SMARCD2: variants seen among roughly 807,000 people sequenced by gnomAD.
The protein encoded by SMARCD2 is SWI/SNF related BAF chromatin remodeling complex subunit D2.
Under a neutral mutation model 70.4 loss-of-function variants are expected in SMARCD2, and 39 were observed. That is an observed-to-expected ratio of 0.55 (90% confidence interval 0.43 to 0.72). The LOEUF is 0.72. Ranked by LOEUF, SMARCD2 falls within the 30% of genes least tolerant of loss-of-function variation. SMARCD2 has a pLI of 0.00. For synonymous variants in SMARCD2, 249 were observed against 279.4 expected (o/e 0.89, Z 1.08); for missense variants, 540 against 713.4 (o/e 0.76, Z 2.77).
At position 63,834,726 on chromosome 17, in the gene SMARCD2, C is replaced by T; in HGVS notation, c.798G>A (p.Gly266=). The change falls in exon 6 of 13, where the codon GGG becomes GGA. Residue 266 remains glycine (G), a synonymous_variant. Coordinates refer to ENST00000448276, the MANE Select transcript of SMARCD2 (RefSeq NM_001098426.2). The surrounding 1 kb of genome is among the most constrained non-coding windows in gnomAD (Gnocchi z 5.6). ...LVIELDKELY[G]PDNHLVEWHR... ...TCACCTCCACCAGGTGATTGTCAGG[C>T]CCGTACAGCTCCTTGTCCAGCTCAA... 3 of 1,613,436 alleles carry T rather than the reference C, an allele frequency of 1.9e-6. No individual in the cohort carries two copies. Among genetic ancestry groups the T allele is most frequent in the South Asian group, 1.1e-5 (1 of 91,082 alleles).
In SMARCD2 at chr17:63,837,042, G is replaced by T; in HGVS notation, c.447C>A (p.Ile149=). ...KMADKVLPQR[I]RELVPESQAY... ...CCTGAGACTCTGGAACAAGCTCCCG[G>T]ATCTGAAGGAAGGTAGCAGAAGCTC... Residue 149 remains isoleucine, a splice_region_variant and synonymous_variant, in exon 4 of 13, where the codon ATC becomes ATA. Coordinates refer to ENST00000448276, the MANE Select transcript of SMARCD2 (RefSeq NM_001098426.2). The surrounding 1 kb of genome is among the most constrained non-coding windows in gnomAD (Gnocchi z 6.4). 1 of 1,613,386 alleles carries T rather than the reference G, an allele frequency of 6.2e-7. No individual in the cohort carries two copies. Among genetic ancestry groups the T allele is most frequent in the Admixed American group, 1.7e-5 (1 of 60,028 alleles).
chr17:63,836,498 C>CGGAAAAAAAAAAAAAAAAAAAAAAA (rs1214342690), intron 4 of SMARCD2, among the ~76,000 whole-genome samples: 1 of 98,236 alleles, frequency 1.0e-5, no homozygotes. Flanking sequence ...GACTCCATCT[C>CGGAAAAAAAAAAAAAAAAAAAAAAA]AGAAAAAAAA....
rs766560798 is a variant in SMARCD2 at position 63,833,379 on chromosome 17, C to T, written c.1359G>A (p.Gln453=). Residue 453 remains glutamine (Q), a synonymous_variant, in exon 11 of 13, where the codon CAG becomes CAA. Transcript: ENST00000448276. This position sits in a 1 kb window ranked among gnomAD's most constrained non-coding sequence, Gnocchi z 4.3. The stretch of plus-strand genomic sequence containing the variant: ...TGCTAAAACTGAGCATGAAATCTCT[C>T]TGGGTCTTCAGCTGGTTGATGGACT... ...TIESINQLKT[Q]RDFMLSFSTD... is the part of the protein sequence containing the mutation. 1 of 1,614,056 alleles carries T rather than the reference C, an allele frequency of 6.2e-7. No individual in the cohort carries two copies. The highest frequency in any genetic ancestry group is 8.5e-7 in the Non-Finnish European group (1 of 1,179,920).
Position 63,833,497 on chromosome 17 carries a change from C to T in SMARCD2, c.1318-77G>A. 1.2e-6 allele frequency: 2 copies of T among 1,609,318 alleles called. No homozygotes were observed. Among genetic ancestry groups the T allele is most frequent in the Non-Finnish European group, 1.7e-6 (2 of 1,176,598 alleles). On this transcript the variant is annotated intron_variant, in intron 10 of 12. Transcript: ENST00000448276. This position sits in a 1 kb window ranked among gnomAD's most constrained non-coding sequence, Gnocchi z 4.3. ...ACTGAGCCAGAGTTCCCATCCCGTC[C>T]TCCAGGTGCTACATGTATGGAAATG...
rs111734350 is a variant in SMARCD2, at chr17:63,832,647, G to C, written c.*291C>G. On this transcript the variant is annotated 3_prime_UTR_variant, in exon 13 of 13. Transcript: ENST00000448276. ...ATGCAAACCCAGCAGCCTTTGGTTC[G>C]GAAATGTCTTACAATGTCAAAGCAC... 2.2e-5 allele frequency: 11 copies of C among 492,490 alleles called. No individual in the cohort carries two copies. Among genetic ancestry groups the C allele is most frequent in the Non-Finnish European group, 3.7e-5 (10 of 269,640 alleles). 30.5% of individuals were successfully genotyped at this position (492,490 alleles called of 1,614,324 possible).
Position 63,833,125 on chromosome 17 carries a change from C to T in SMARCD2, c.1486G>A (p.Ala496Thr). 6.2e-7 allele frequency: 1 copy of T among 1,607,040 alleles called. No homozygotes were observed. Among genetic ancestry groups the T allele is most frequent in the African/African-American group, 1.3e-5 (1 of 74,890 alleles). ...TGGGCCCAGGGCTGGTGGTAGAAAG[C>T]AGCTCGTCTCTCCTCCTCAGGATTT... ...IGNPEEERRA[A>T]FYHQPWAQEA... Residue 496 changes from alanine to threonine, a missense_variant, in exon 12 of 13, where the codon GCT (alanine) becomes ACT (threonine). Physicochemically the swap from Ala to Thr is moderately conservative, Grantham distance 58. Coordinates refer to ENST00000448276, the MANE Select transcript of SMARCD2 (RefSeq NM_001098426.2). This position sits in a 1 kb window ranked among gnomAD's most constrained non-coding sequence, Gnocchi z 4.3.
At position 63,834,371 on chromosome 17, in the gene SMARCD2, G is replaced by C. The variant is rs772817714; in HGVS notation, c.922-43C>G. ...GGAGTCAGAACGGGTTCTTATAGTA[G>C]AACAGTGGGAAAATAGGGCAGGGAC... is the stretch of plus-strand genomic sequence containing the variant. On this transcript the variant is annotated intron_variant, in intron 7 of 12. Coordinates refer to ENST00000448276, the MANE Select transcript of SMARCD2 (RefSeq NM_001098426.2). This position sits in a 1 kb window ranked among gnomAD's most constrained non-coding sequence, Gnocchi z 5.6. The C allele has an allele frequency of 8.2e-6, 13 of 1,592,392 alleles. No individual in the cohort carries two copies.
Position 63,837,141 on chromosome 17 carries a change from C to A in SMARCD2, c.444+54G>T, listed in dbSNP as rs759095802. The A allele has an allele frequency of 4.3e-6, 7 of 1,611,122 alleles. No individual in the cohort carries two copies. The South Asian group carries it at 6.6e-5, about 15-fold the overall frequency. Reference sequence around the variant, plus strand: ...AGCCCAGCTTTGAGAGAGATGGACACCCACCCCAAGGTGGCCACTGGGCAG... The same window carrying A: ...AGCCCAGCTTTGAGAGAGATGGACAACCACCCCAAGGTGGCCACTGGGCAG... On this transcript the variant is annotated intron_variant, in intron 3 of 12. Coordinates refer to ENST00000448276, the MANE Select transcript of SMARCD2 (RefSeq NM_001098426.2). This position sits in a 1 kb window ranked among gnomAD's most constrained non-coding sequence, Gnocchi z 6.4.
Position 63,834,407 on chromosome 17 carries a change from T to C in SMARCD2, c.921+67A>G. On this transcript the variant is annotated intron_variant, in intron 7 of 12. Transcript: ENST00000448276. The surrounding 1 kb of genome is among the most constrained non-coding windows in gnomAD (Gnocchi z 5.6). ...AAATAGGGCAGGGACAGGAAGGGTT[T>C]CTAGGAACCAGCTCCCCTCCTGAGG... 6.4e-7 allele frequency: 1 copy of C among 1,567,208 alleles called. No individual in the cohort carries two copies. Among genetic ancestry groups the C allele is most frequent in the Non-Finnish European group, 8.7e-7 (1 of 1,147,488 alleles).
In SMARCD2 at chr17:63,832,230, AT is replaced by A. The variant is rs1385661855; in HGVS notation, c.*707del. ...ACCTTACCCTGGCCTCCACATGCAC[AT>A]ACCCCATACCTCAGGCCATGCTAGA... On this transcript the variant is annotated 3_prime_UTR_variant, in exon 13 of 13. Coordinates refer to ENST00000448276, the MANE Select transcript of SMARCD2 (RefSeq NM_001098426.2). 8 of 538,442 alleles carry A rather than the reference AT, an allele frequency of 1.5e-5. No homozygotes were observed. The highest frequency in any genetic ancestry group is 1.1e-4 in the African/African-American group (6 of 52,550). 33.4% of individuals were successfully genotyped at this position (538,442 alleles called of 1,614,324 possible). A position where few individuals can be genotyped will look rare whatever the true frequency, so the allele number is the denominator to read the frequency against.
Position 63,833,743 on chromosome 17 carries a change from G to A in SMARCD2, c.1182-21C>T. 1 of 1,613,924 alleles carries A rather than the reference G, an allele frequency of 6.2e-7. No individual in the cohort carries two copies. Among genetic ancestry groups the A allele is most frequent in the Non-Finnish European group, 8.5e-7 (1 of 1,179,830 alleles). ...CGACACTGCAGGCAGCACATGGGGA[G>A]GGAAGGCACATAGCTGACTTCATCC... On this transcript the variant is annotated intron_variant, in intron 9 of 12. Transcript: ENST00000448276. The surrounding 1 kb of genome is among the most constrained non-coding windows in gnomAD (Gnocchi z 4.3).
Position 63,833,382 on chromosome 17 carries a change from G to T in SMARCD2, c.1356C>A (p.Thr452=). The change falls in exon 11 of 13, where the codon ACC becomes ACA. Residue 452 remains threonine (T), a synonymous_variant. Coordinates refer to ENST00000448276, the MANE Select transcript of SMARCD2 (RefSeq NM_001098426.2). This position sits in a 1 kb window ranked among gnomAD's most constrained non-coding sequence, Gnocchi z 4.3. ...ETIESINQLK[T]QRDFMLSFST... is the part of the protein sequence containing the mutation. ...TAAAACTGAGCATGAAATCTCTCTG[G>T]GTCTTCAGCTGGTTGATGGACTCAA... The T allele has an allele frequency of 6.2e-7, 1 of 1,614,014 alleles. No homozygotes were observed. Among genetic ancestry groups the T allele is most frequent in the South Asian group, 1.1e-5 (1 of 91,082 alleles).
chr17:63,838,616 C>A, intron 1 of SMARCD2: 2 of 1,495,538 alleles, frequency 1.3e-6, no homozygotes, highest in Non-Finnish European at 1.8e-6. Context: ...CCACCTGAGG[C>A]CTTGCTCCCT....
chr17:63,833,644 C>T lies in SMARCD2; in HGVS notation c.1260G>A (p.Met420Ile). ...VEVDDPLKAQMSNFLASTTNQ... is the reference protein window; with the variant it reads ...VEVDDPLKAQISNFLASTTNQ... ...TGGTGGTAGAGGCCAGAAAATTGCT[C>T]ATTTGGGCCTTCAGTGGGTCGTCCA... The change falls in exon 10 of 13, where the codon ATG (methionine) becomes ATA (isoleucine). Residue 420 changes from methionine (M) to isoleucine (I), a missense_variant. By Grantham distance (10) the Met-to-Ile change is conservative. Transcript: ENST00000448276. This position sits in a 1 kb window ranked among gnomAD's most constrained non-coding sequence, Gnocchi z 4.3. 2 of 1,614,004 alleles carry T rather than the reference C, an allele frequency of 1.2e-6. No individual in the cohort carries two copies. Among genetic ancestry groups the T allele is most frequent in the Non-Finnish European group, 1.7e-6 (2 of 1,179,902 alleles).
At position 63,834,527 on chromosome 17, in the gene SMARCD2, G is replaced by T; in HGVS notation, c.868C>A (p.Arg290=). 12 of 1,606,882 alleles carry T rather than the reference G, an allele frequency of 7.5e-6. No individual in the cohort carries two copies. Among genetic ancestry groups the T allele is most frequent in the Non-Finnish European group, 1.0e-5 (12 of 1,175,040 alleles). The change falls in exon 7 of 13, where the codon CGG becomes AGG. Residue 290 remains arginine, a synonymous_variant. Coordinates refer to ENST00000448276, the MANE Select transcript of SMARCD2 (RefSeq NM_001098426.2). The surrounding 1 kb of genome is among the most constrained non-coding windows in gnomAD (Gnocchi z 5.6). ...TQETDGFQVK[R]PGDLNVKCTL... ...CACTTGACGTTGAGGTCTCCAGGCC[G>T]TTTTACTTGGAAGCCATCTGTCTCC...
intron 5 of SMARCD2, 62 bp downstream of exon 5, chr17:63,835,350 T>C: frequency 6.5e-7 from 1 of 1,537,724 alleles, no homozygotes. Flanking sequence ...ATCAAACTCC[T>C]TGGTCTCAGT....
intron 1 of SMARCD2, among the ~76,000 whole-genome samples, chr17:63,841,543 A>T (rs1299321646): frequency 6.6e-6 from 1 of 152,270 alleles, no homozygotes; most frequent in East Asian, 1.9e-4. Context: ...CTCTGGGGCA[A>T]CCTGAACAGC....
chr17:63,833,689 A>G lies in SMARCD2; in HGVS notation c.1215T>C (p.Cys405=), dbSNP rs748574181. 1.2e-6 allele frequency: 2 copies of G among 1,613,962 alleles called. No homozygotes were observed. The highest frequency in any genetic ancestry group is 3.3e-5 in the Admixed American group (2 of 60,010). The part of the protein sequence containing the change: ...VDPNDQKKTA[C]YDIDVEVDDP... ...CGTCCACCTCCACATCGATGTCGTA[A>G]CAGGCTGTCTTCTTCTGGTCGTTAG... The change falls in exon 10 of 13, where the codon TGT becomes TGC. Residue 405 remains cysteine (C), a synonymous_variant. Coordinates refer to ENST00000448276, the MANE Select transcript of SMARCD2 (RefSeq NM_001098426.2). The surrounding 1 kb of genome is among the most constrained non-coding windows in gnomAD (Gnocchi z 4.3).
At chr17:63,841,910 G>A (rs986605480) in intron 1 of SMARCD2, among the ~76,000 whole-genome samples, 2 of 152,192 alleles carry the variant, frequency 1.3e-5, no homozygotes, top group African/African-American at 4.8e-5. Flanking sequence ...AAGTCCGCCC[G>A]TGCACAAGCT....
Sources: gnomAD v4.1 joint callset for allele counts (sites outside exome capture counted in the v4.1 genomes callset) on GRCh38, gnomAD v4.1.1 for gene constraint, Gnocchi (gnomAD v3.1) non-coding constraint, MANE v1.5 for transcripts, NCBI Gene and HGNC (gene_info 2026-07-23, HGNC 2026-07-21) for gene names.